SMYD3: variants seen among roughly 807,000 people sequenced by gnomAD.
SMYD3 encodes the protein histone-lysine N-methyltransferase SMYD3.
In SMYD3, 36 loss-of-function variants were observed where a neutral mutation model predicts 57.7. That is an observed-to-expected ratio of 0.62 (90% confidence interval 0.48 to 0.82). SMYD3 has a LOEUF of 0.82. Among genes scored for constraint, SMYD3 ranks in the 40% least tolerant of loss-of-function variants. The probability of loss-of-function intolerance (pLI) is 0.00; values close to 1 mark genes in which losing one functional copy is unlikely to be tolerated. For synonymous variants in SMYD3, 211 were observed against 195.0 expected (o/e 1.08, Z -0.68); for missense variants, 515 against 538.8 (o/e 0.96, Z 0.44).
chr1:245,872,347 C>T lies in SMYD3; in HGVS notation c.814-8461G>A, dbSNP rs574940801. 6.6e-5 allele frequency among the ~76,000 whole-genome samples: 10 copies of T among 152,206 alleles called. No homozygotes were observed. In the East Asian group the frequency reaches 1.4e-3, roughly 21 times the overall value. On this transcript the variant is annotated intron_variant, in intron 8 of 11. Coordinates refer to ENST00000490107, the MANE Select transcript of SMYD3 (RefSeq NM_001167740.2). ...CATCCTCGCAAGAGCCCAAAGTTCCCGCCTCCTGCTGCTTCACCCATCTCC... is the reference window on the plus strand; with the variant it reads ...CATCCTCGCAAGAGCCCAAAGTTCCTGCCTCCTGCTGCTTCACCCATCTCC...
At position 245,793,092 on chromosome 1, in the gene SMYD3, G is replaced by C. The variant is rs1370260086; in HGVS notation, c.1077-28943C>G. Among the ~76,000 whole-genome samples the C allele has an allele frequency of 8.4e-4, 48 of 57,232 alleles. No individual in the cohort carries two copies. The East Asian group carries it at 0.014, about 17-fold the overall frequency. 37.5% of individuals were successfully genotyped at this position (57,232 alleles called of 152,430 possible). On this transcript the variant is annotated intron_variant, in intron 10 of 11. Coordinates refer to ENST00000490107, the MANE Select transcript of SMYD3 (RefSeq NM_001167740.2). The stretch of plus-strand genomic sequence containing the variant: ...TTGGGAGGCCGAGGCGGGTGATCAC[G>C]AAATCAGGAGATCAAGACCATCCTG...
chr1:245,922,806 C>G (rs1281276427), intron 7 of SMYD3, among the ~76,000 whole-genome samples: 2 of 152,148 alleles, frequency 1.3e-5, no homozygotes, highest in African/African-American at 4.8e-5. Context: ...AAGTGTAGCA[C>G]TGAACAAATC....
chr1:246,446,333 T>C (rs1234192165), intron 1 of SMYD3, among the ~76,000 whole-genome samples: 1 of 152,012 alleles, frequency 6.6e-6, no homozygotes, highest in Non-Finnish European at 1.5e-5. Context: ...ATCATATTTG[T>C]CCTAAAGACA....
At chr1:245,918,334 C>CT (rs79943400) in intron 7 of SMYD3, among the ~76,000 whole-genome samples, 16,363 of 152,208 alleles carry the variant, frequency 0.11, 1,141 homozygotes, top group East Asian at 0.39. Flanking sequence ...GTCTGATGCT[C>CT]TTTTTACTTT....
intron 5 of SMYD3, among the ~76,000 whole-genome samples, chr1:245,963,610 A>G (rs2058065835): frequency 6.6e-6 from 1 of 152,118 alleles, no homozygotes; most frequent in African/African-American, 2.4e-5. Context: ...TCCAGTGGAA[A>G]AAGGAGGAAA....
At chr1:246,248,374 G>T (rs2063742559) in intron 5 of SMYD3, among the ~76,000 whole-genome samples, 1 of 152,096 alleles carries the variant, frequency 6.6e-6, no homozygotes, top group African/African-American at 2.4e-5. Context: ...TTTCAAATCT[G>T]CCCAGATCAT....
intron 10 of SMYD3, among the ~76,000 whole-genome samples, chr1:245,824,911 A>G (rs962632679): frequency 1.3e-5 from 2 of 151,154 alleles, no homozygotes; most frequent in Non-Finnish European, 2.9e-5. Context: ...TGTACCTGCA[A>G]TCCCAGCTAC....
chr1:246,367,203 C>T (rs929225677), intron 1 of SMYD3, among the ~76,000 whole-genome samples: 11 of 151,916 alleles, frequency 7.2e-5, no homozygotes, highest in African/African-American at 2.2e-4. Flanking sequence ...CCTTGAGAAG[C>T]GTAGGGTTCC....
At position 246,076,129 on chromosome 1, in the gene SMYD3, C is replaced by T. The variant is rs572636420; in HGVS notation, c.532-146192G>A. On this transcript the variant is annotated intron_variant, in intron 5 of 11. Coordinates refer to ENST00000490107, the MANE Select transcript of SMYD3 (RefSeq NM_001167740.2). ...AGGGATACATCTGTAGATTTAAACA[C>T]GCACATAAACACATAAGTCCACTAA... is the stretch of plus-strand genomic sequence containing the variant. Among the ~76,000 whole-genome samples, 19 of 152,180 alleles carry T rather than the reference C, an allele frequency of 1.2e-4. No individual in the cohort carries two copies. The South Asian group carries it at 3.1e-3, about 25-fold the overall frequency.
At chr1:246,069,864 G>C (rs1048302809) in intron 5 of SMYD3, among the ~76,000 whole-genome samples, 4 of 152,166 alleles carry the variant, frequency 2.6e-5, no homozygotes, top group Non-Finnish European at 4.4e-5. Context: ...TGCTTAGATG[G>C]ACAGTGAGCT....
chr1:245,822,351 A>T (rs2049210699), intron 10 of SMYD3, among the ~76,000 whole-genome samples: 1 of 138,990 alleles, frequency 7.2e-6, no homozygotes, highest in South Asian at 2.5e-4. Context: ...GAACAATGAG[A>T]TCACATGGAC....
At chr1:245,997,893 C>T (rs1376528176) in intron 5 of SMYD3, among the ~76,000 whole-genome samples, 1 of 152,220 alleles carries the variant, frequency 6.6e-6, no homozygotes, top group African/African-American at 2.4e-5. Context: ...GGAGAGATCA[C>T]AGCTTTCTCT....
intron 10 of SMYD3, among the ~76,000 whole-genome samples, chr1:245,800,289 T>C (rs2047792119): frequency 6.6e-6 from 1 of 152,262 alleles, no homozygotes; most frequent in South Asian, 2.1e-4. Flanking sequence ...GGTCCTTCCA[T>C]CGGAAGCTCT....
intron 1 of SMYD3, among the ~76,000 whole-genome samples, chr1:246,434,897 T>A (rs1022184876): frequency 1.3e-5 from 2 of 152,130 alleles, no homozygotes; most frequent in Non-Finnish European, 2.9e-5. Flanking sequence ...GGAACTAACC[T>A]AGGTGTACAT....
chr1:246,051,227 C>G (rs1437402238), intron 5 of SMYD3, among the ~76,000 whole-genome samples: 1 of 151,118 alleles, frequency 6.6e-6, no homozygotes, highest in Non-Finnish European at 1.5e-5. Context: ...ACCTCCCAGG[C>G]TCATCACCTC....
chr1:246,242,642 C>T (rs1422243540), intron 5 of SMYD3, among the ~76,000 whole-genome samples: 1 of 152,068 alleles, frequency 6.6e-6, no homozygotes, highest in Non-Finnish European at 1.5e-5. Flanking sequence ...AATTAAAAGA[C>T]ACAGACTGGC....
intron 5 of SMYD3, among the ~76,000 whole-genome samples, chr1:246,296,171 G>C (rs2064791139): frequency 6.6e-6 from 1 of 152,190 alleles, no homozygotes; most frequent in Non-Finnish European, 1.5e-5. Context: ...TGCAGACAGA[G>C]AAACTTCCTC....
intron 5 of SMYD3, among the ~76,000 whole-genome samples, chr1:246,058,498 C>T (rs866818920): frequency 4.6e-5 from 7 of 152,172 alleles, no homozygotes; most frequent in African/African-American, 1.2e-4. Context: ...CGTTATCTTA[C>T]GAAATAATAA....
At chr1:245,877,528 A>G (rs1283904741) in intron 8 of SMYD3, among the ~76,000 whole-genome samples, 1 of 152,244 alleles carries the variant, frequency 6.6e-6, no homozygotes, top group African/African-American at 2.4e-5. Context: ...CAATCCAGAA[A>G]GAGATGACAT....
Sources: allele counts gnomAD v4.1 joint callset (sites outside exome capture counted in the v4.1 genomes callset), GRCh38; gene constraint gnomAD v4.1.1; transcripts MANE v1.5; gene names NCBI Gene and HGNC (gene_info 2026-07-23, HGNC 2026-07-21).